NAALADL2: variants seen among roughly 807,000 people sequenced by gnomAD.
NAALADL2 encodes inactive N-acetylated-alpha-linked acidic dipeptidase-like protein 2.
NAALADL2 carries 76 observed loss-of-function variants against 87.2 expected under a neutral mutation model. The observed-to-expected ratio is 0.87, with a 90% CI of 0.72 to 1.05. The LOEUF (loss-of-function observed/expected upper bound fraction) is 1.05, where lower values mean the gene tolerates loss of function less well. Among genes scored for constraint, NAALADL2 ranks in the 50% least tolerant of loss-of-function variants. NAALADL2 has a pLI of 0.00. For missense variants in NAALADL2, 1,089 were observed against 945.8 expected (o/e 1.15, Z -1.99); for synonymous variants, 354 against 331.0 (o/e 1.07, Z -0.75).
At chr3:174,641,742 G>A (rs6788701) in intron 2 of NAALADL2, among the ~76,000 whole-genome samples, 79,940 of 151,992 alleles carry the variant, frequency 0.53, 21,518 homozygotes, top group Middle Eastern at 0.66. Flanking sequence ...ACTTTCTCAA[G>A]GAAATCCTTT....
At chr3:175,406,130 A>G (rs1712335423) in intron 5 of NAALADL2, among the ~76,000 whole-genome samples, 1 of 152,210 alleles carries the variant, frequency 6.6e-6, no homozygotes, top group Non-Finnish European at 1.5e-5. Flanking sequence ...TACTACTAGG[A>G]AGAAAGTAAA....
At chr3:174,654,663 T>C (rs1410378281) in intron 2 of NAALADL2, among the ~76,000 whole-genome samples, 1 of 152,162 alleles carries the variant, frequency 6.6e-6, no homozygotes, top group Non-Finnish European at 1.5e-5. Context: ...TTAGTGCAAA[T>C]GTTTTCGGAA....
intron 2 of NAALADL2, among the ~76,000 whole-genome samples, chr3:175,193,418 A>G (rs1738502920): frequency 6.6e-6 from 1 of 151,912 alleles, no homozygotes; most frequent in Non-Finnish European, 1.5e-5. Context: ...GGAAGAAGAA[A>G]AAAGCAGCCA....
chr3:175,730,469 C>A (rs1442914502), intron 11 of NAALADL2, among the ~76,000 whole-genome samples: 1 of 133,042 alleles, frequency 7.5e-6, no homozygotes. Context: ...CACACACACA[C>A]GTGTGTGTGT....
At chr3:175,789,397 A>G (rs796091666) in intron 13 of NAALADL2, among the ~76,000 whole-genome samples, 5 of 152,274 alleles carry the variant, frequency 3.3e-5, no homozygotes, top group African/African-American at 7.2e-5. Flanking sequence ...TCATCTAACC[A>G]TCACATATGA....
At chr3:175,716,315 A>C (rs1347421853) in intron 11 of NAALADL2, among the ~76,000 whole-genome samples, 2 of 145,856 alleles carry the variant, frequency 1.4e-5, no homozygotes, top group East Asian at 2.0e-4. Flanking sequence ...TATTACATAT[A>C]TAATATACAG....
intron 1 of NAALADL2, among the ~76,000 whole-genome samples, chr3:174,972,308 C>T (rs569272392): frequency 2.3e-4 from 35 of 152,250 alleles, no homozygotes; most frequent in African/African-American, 8.2e-4. Flanking sequence ...TATTAGTTTG[C>T]TAATGCTGCC....
At chr3:175,064,155 G>A (rs1278184721) in intron 1 of NAALADL2, among the ~76,000 whole-genome samples, 1 of 150,642 alleles carries the variant, frequency 6.6e-6, no homozygotes, top group Non-Finnish European at 1.5e-5. Flanking sequence ...AAGCAAATCA[G>A]TTTATGGAGT....
chr3:175,678,023 A>G (rs888134824), intron 11 of NAALADL2, among the ~76,000 whole-genome samples: 1 of 152,170 alleles, frequency 6.6e-6, no homozygotes, highest in African/African-American at 2.4e-5. Flanking sequence ...GGAAGATTCA[A>G]AGGGTTAGGC....
chr3:175,153,851 C>T (rs1731918298), intron 2 of NAALADL2, among the ~76,000 whole-genome samples: 1 of 152,144 alleles, frequency 6.6e-6, no homozygotes, highest in South Asian at 2.1e-4. Context: ...GATTGCCTGT[C>T]TTTCAAAGAG....
chr3:175,151,880 A>G (rs997352783), intron 2 of NAALADL2, among the ~76,000 whole-genome samples: 3 of 152,224 alleles, frequency 2.0e-5, no homozygotes, highest in Non-Finnish European at 2.9e-5. Flanking sequence ...ATTACCTTCT[A>G]GATACATCAT....
chr3:175,460,285 T>G, intron 6 of NAALADL2: 1 of 435,692 alleles, frequency 2.3e-6, no homozygotes, highest in South Asian at 1.7e-5. Context: ...TATGCATATT[T>G]ATTTTCAGAT....
chr3:174,751,197 G>A (rs967159625), intron 3 of NAALADL2, among the ~76,000 whole-genome samples: 6 of 151,946 alleles, frequency 3.9e-5, no homozygotes, highest in African/African-American at 1.4e-4. Context: ...CAAATTTTGG[G>A]CCAATCCAGA....
Position 175,343,517 on chromosome 3 carries a change from A to G in NAALADL2, c.1090+19192A>G, listed in dbSNP as rs550774002. Among the ~76,000 whole-genome samples, 8 of 152,142 alleles carry G rather than the reference A, an allele frequency of 5.3e-5. No individual in the cohort carries two copies. In the South Asian group the frequency reaches 1.7e-3, roughly 32 times the overall value. The stretch of plus-strand genomic sequence containing the variant: ...AAGAAAAGATTAAATTATGGAAATT[A>G]AGCAAGGACACTTAGACAGATCCTT... On this transcript the variant is annotated intron_variant, in intron 5 of 13. Transcript: ENST00000454872.
chr3:174,908,241 C>T (rs988069866), intron 1 of NAALADL2, among the ~76,000 whole-genome samples: 1 of 151,994 alleles, frequency 6.6e-6, no homozygotes, highest in Non-Finnish European at 1.5e-5. Flanking sequence ...GGAGGCATTA[C>T]TATCGTCTCT....
chr3:174,849,734 C>CAA lies in NAALADL2; in HGVS notation c.-9+112012_-9+112013dup, dbSNP rs57620256. The stretch of plus-strand genomic sequence containing the variant: ...TGGGTGACAGAGCGAGACTCTGACT[C>CAA]AAAAAAAAAAAAAAAAAAAAAAAAA... On this transcript the variant is annotated intron_variant, in intron 3 of 3. Coordinates refer to the NAALADL2 transcript ENST00000434257. Among the ~76,000 whole-genome samples the CAA allele has an allele frequency of 3.4e-3, 213 of 62,480 alleles. 1 individual carries two copies. Among genetic ancestry groups the CAA allele is most frequent in the Middle Eastern group, 8.5e-3 (1 of 118 alleles). 41.0% of individuals were successfully genotyped at this position (62,480 alleles called of 152,430 possible).
At chr3:175,291,164 A>G (rs1755594637) in intron 4 of NAALADL2, among the ~76,000 whole-genome samples, 1 of 152,126 alleles carries the variant, frequency 6.6e-6, no homozygotes, top group Non-Finnish European at 1.5e-5. Context: ...ATATTGGAGT[A>G]AAAAATAAAT....
intron 2 of NAALADL2, among the ~76,000 whole-genome samples, chr3:175,108,523 AG>A (rs1431665311): frequency 6.6e-6 from 1 of 151,958 alleles, no homozygotes; most frequent in Non-Finnish European, 1.5e-5. Flanking sequence ...TTTACCTTCA[AG>A]AAAAATAAAA....
chr3:174,541,461 G>A (rs757879897), intron 1 of NAALADL2, among the ~76,000 whole-genome samples: 1 of 152,092 alleles, frequency 6.6e-6, no homozygotes, highest in Non-Finnish European at 1.5e-5. Flanking sequence ...ATAACATGAA[G>A]GTTAATAGTC....
Sources: allele counts gnomAD v4.1 joint callset (sites outside exome capture counted in the v4.1 genomes callset), GRCh38; gene constraint gnomAD v4.1.1; transcripts MANE v1.5; gene names NCBI Gene and HGNC (gene_info 2026-07-23, HGNC 2026-07-21).